The following IVNS1ABP variants were observed in gnomAD, a reference collection of about 807,000 sequenced individuals.
IVNS1ABP encodes influenza virus NS1A binding protein, also known as influenza virus NS1A-binding protein.
In IVNS1ABP, 25 loss-of-function variants were observed where a neutral mutation model predicts 78.9. The observed-to-expected ratio is 0.32, with a 90% confidence interval of 0.23 to 0.44. IVNS1ABP has a LOEUF of 0.44. Among genes scored for constraint, IVNS1ABP ranks in the 20% least tolerant of loss-of-function variants. IVNS1ABP has a pLI of 1.00. For missense variants in IVNS1ABP, 494 were observed against 768.9 expected (o/e 0.64, Z 4.23); for synonymous variants, 241 against 259.7 (o/e 0.93, Z 0.69).
chr1:185,305,807 T>A lies in IVNS1ABP; in HGVS notation c.658-164A>T. The A allele has an allele frequency of 1.4e-6, 1 of 693,612 alleles. No homozygotes were observed. Among genetic ancestry groups the A allele is most frequent in the Non-Finnish European group, 2.1e-6 (1 of 467,836 alleles). The allele number at this position is 693,612 out of a possible 1,614,324, so 43.0% of individuals were successfully genotyped here. A position where few individuals can be genotyped will look rare whatever the true frequency, so the allele number is the denominator to read the frequency against. ...AGGTAAAGAAAAATACATGTCATGG[T>A]GGTAAAAATTAAAAAACAAAAACAA... is the stretch of plus-strand genomic sequence containing the variant. On this transcript the variant is annotated intron_variant, in intron 7 of 14. Coordinates refer to ENST00000367498, the MANE Select transcript of IVNS1ABP (RefSeq NM_006469.5). The surrounding 1 kb of genome is among the most constrained non-coding windows in gnomAD (Gnocchi z 4.0).
intron 8 of IVNS1ABP, among the ~76,000 whole-genome samples, chr1:185,303,648 T>C (rs768986562): frequency 6.6e-6 from 1 of 152,056 alleles, no homozygotes; most frequent in East Asian, 1.9e-4. Context: ...TAGACATAAA[T>C]AAAAAATCTA....
At position 185,306,839 on chromosome 1, in the gene IVNS1ABP, GAAC is replaced by G. The variant is rs1571745159; in HGVS notation, c.657+172_657+174del. 12 of 762,142 alleles carry G rather than the reference GAAC, an allele frequency of 1.6e-5. No homozygotes were observed. The East Asian group carries it at 3.4e-4, about 22-fold the overall frequency. The allele number at this position is 762,142 out of a possible 1,614,324, so 47.2% of individuals were successfully genotyped here. On this transcript the variant is annotated intron_variant, in intron 7 of 14. Coordinates refer to ENST00000367498, the MANE Select transcript of IVNS1ABP (RefSeq NM_006469.5). ...AAAAAGAAAAGCAGAAGACCAAACT[GAAC>G]AGTTCATTCAGCTCACCTGGACACC...
At chr1:185,314,478 C>T (rs572074716) in intron 1 of IVNS1ABP, among the ~76,000 whole-genome samples, 1 of 152,312 alleles carries the variant, frequency 6.6e-6, no homozygotes, top group Non-Finnish European at 1.5e-5. Flanking sequence ...ATTCCAGAAA[C>T]TGCAGCTATT....
At chr1:185,310,501 G>A (rs951994006) in intron 2 of IVNS1ABP, among the ~76,000 whole-genome samples, 1 of 152,110 alleles carries the variant, frequency 6.6e-6, no homozygotes, top group Non-Finnish European at 1.5e-5. Flanking sequence ...CCAGCTACTT[G>A]TGGGGGCTGA....
At chr1:185,303,387 C>T (rs1263721804) in intron 8 of IVNS1ABP, among the ~76,000 whole-genome samples, 1 of 152,046 alleles carries the variant, frequency 6.6e-6, no homozygotes, top group Non-Finnish European at 1.5e-5. Flanking sequence ...GTAGCTTTTA[C>T]AACATGATTA....
chr1:185,297,667 A>G lies in IVNS1ABP; in HGVS notation c.*368T>C, dbSNP rs1308201395. The G allele has an allele frequency of 4.6e-6, 1 of 217,826 alleles. No individual in the cohort carries two copies. Among genetic ancestry groups the G allele is most frequent in the Non-Finnish European group, 9.2e-6 (1 of 108,812 alleles). The allele number at this position is 217,826 out of a possible 1,614,324, so 13.5% of individuals were successfully genotyped here. A position where few individuals can be genotyped will look rare whatever the true frequency, so the allele number is the denominator to read the frequency against. ...AAAAACCCAACTGTCTACATCTTTA[A>G]ACCCTACCCCTTTTACCCCATAGTA... On this transcript the variant is annotated 3_prime_UTR_variant, in exon 15 of 15. Coordinates refer to ENST00000367498, the MANE Select transcript of IVNS1ABP (RefSeq NM_006469.5).
chr1:185,304,154 G>A (rs1665675073), intron 8 of IVNS1ABP, among the ~76,000 whole-genome samples: 1 of 151,962 alleles, frequency 6.6e-6, no homozygotes, highest in Non-Finnish European at 1.5e-5. Context: ...GTCTCACTGT[G>A]TCCTCTCCTT....
chr1:185,309,416 C>T lies in IVNS1ABP; in HGVS notation c.78G>A (p.Arg26=). The change falls in exon 3 of 15, where the codon AGG becomes AGA. Residue 26 remains arginine (R), a synonymous_variant. Coordinates refer to ENST00000367498, the MANE Select transcript of IVNS1ABP (RefSeq NM_006469.5). ...GAACATCACAGAACTGGCCACTTTT[C>T]CTCAGGGCATTTAATTTGGCAACAG... is the stretch of plus-strand genomic sequence containing the variant. ...ESSVAKLNAL[R]KSGQFCDVRL... is the part of the protein sequence containing the mutation. 1 of 1,612,474 alleles carries T rather than the reference C, an allele frequency of 6.2e-7. No individual in the cohort carries two copies. Among genetic ancestry groups the T allele is most frequent in the Non-Finnish European group, 8.5e-7 (1 of 1,178,988 alleles).
chr1:185,308,920 C>T lies in IVNS1ABP; in HGVS notation c.282-45G>A, dbSNP rs193089984. 689 of 1,575,512 alleles carry T rather than the reference C, an allele frequency of 4.4e-4. 1 individual carries two copies. The highest frequency in any genetic ancestry group is 3.2e-3 in the African/African-American group (235 of 73,272). On this transcript the variant is annotated intron_variant, in intron 4 of 14. Coordinates refer to ENST00000367498, the MANE Select transcript of IVNS1ABP (RefSeq NM_006469.5). Reference sequence around the variant, plus strand: ...CTTATGATACCAAAGCCTTAAAACACACTTAATTTAAATATATGTAGCAAG... The same window carrying T: ...CTTATGATACCAAAGCCTTAAAACATACTTAATTTAAATATATGTAGCAAG...
At chr1:185,308,922 CTTAAT>C in intron 4 of IVNS1ABP, 47 bp from the exon 5 acceptor site, 1 of 1,575,138 alleles carries the variant, frequency 6.3e-7, no homozygotes, top group Non-Finnish European at 8.7e-7. Context: ...TTAAAACACA[CTTAAT>C]TTAAATATAT....
At chr1:185,303,351 C>T (rs1208517) in intron 8 of IVNS1ABP, among the ~76,000 whole-genome samples, 15,783 of 152,084 alleles carry the variant, frequency 0.1, 1,111 homozygotes, top group Non-Finnish European at 0.15. Flanking sequence ...TTTAGTCCTC[C>T]TTCAAACTTT....
At chr1:185,304,633 C>T (rs1056033155) in intron 8 of IVNS1ABP, among the ~76,000 whole-genome samples, 10 of 152,190 alleles carry the variant, frequency 6.6e-5, no homozygotes, top group African/African-American at 2.2e-4. Flanking sequence ...AAAATATATA[C>T]TATATGACCA....
chr1:185,314,836 C>G (rs529178762), intron 1 of IVNS1ABP, among the ~76,000 whole-genome samples: 36 of 152,032 alleles, frequency 2.4e-4, no homozygotes, highest in African/African-American at 8.4e-4. Context: ...AACACAAAGT[C>G]GTTTATAGTT....
Position 185,317,040 on chromosome 1 carries a change from A to C in IVNS1ABP, c.-334T>G, listed in dbSNP as rs1192829900. 5.0e-6 allele frequency: 2 copies of C among 398,736 alleles called. No homozygotes were observed. Among genetic ancestry groups the C allele is most frequent in the Non-Finnish European group, 8.8e-6 (2 of 226,364 alleles). The allele number at this position is 398,736 out of a possible 1,614,324, so 24.7% of individuals were successfully genotyped here. A position where few individuals can be genotyped will look rare whatever the true frequency, so the allele number is the denominator to read the frequency against. On this transcript the variant is annotated 5_prime_UTR_variant, in exon 1 of 15. Coordinates refer to ENST00000367498, the MANE Select transcript of IVNS1ABP (RefSeq NM_006469.5). Reference sequence around the variant, plus strand: ...AGCGGGCGGGAATCGGCCCAACGGAAAGCGCCAGAAGGCGGCGGAAGACGG... The same window carrying C: ...AGCGGGCGGGAATCGGCCCAACGGACAGCGCCAGAAGGCGGCGGAAGACGG...
Position 185,297,788 on chromosome 1 carries a change from T to C in IVNS1ABP, c.*247A>G, listed in dbSNP as rs1665457671. The stretch of plus-strand genomic sequence containing the variant: ...AATGATGTGCCCAATCAATTCTTGG[T>C]TTATTCTTTTCCAAAAAGTAAAATA... On this transcript the variant is annotated 3_prime_UTR_variant, in exon 15 of 15. Transcript: ENST00000367498. The C allele has an allele frequency of 4.0e-6, 2 of 498,472 alleles. No individual in the cohort carries two copies. The highest frequency in any genetic ancestry group is 3.5e-6 in the Non-Finnish European group (1 of 282,162). The allele number at this position is 498,472 out of a possible 1,614,324, so 30.9% of individuals were successfully genotyped here. A position where few individuals can be genotyped will look rare whatever the true frequency, so the allele number is the denominator to read the frequency against.
At chr1:185,307,455 T>C (rs554485286) in intron 6 of IVNS1ABP, 34 bp downstream of exon 6, 2 of 1,502,164 alleles carry the variant, frequency 1.3e-6, no homozygotes, top group Admixed American at 3.7e-5. Context: ...TGGAACTAGA[T>C]AGTATATATC....
intron 5 of IVNS1ABP, 98 bp from the exon 6 acceptor site, chr1:185,307,760 A>C: frequency 7.6e-7 from 1 of 1,316,664 alleles, no homozygotes; most frequent in Non-Finnish European, 1.0e-6. Flanking sequence ...GATACAAAGA[A>C]TCAAAAATCA....
At position 185,311,186 on chromosome 1, in the gene IVNS1ABP, G is replaced by T; in HGVS notation, c.-110C>A. 2.6e-6 allele frequency: 1 copy of T among 390,872 alleles called. No individual in the cohort carries two copies. Among genetic ancestry groups the T allele is most frequent in the South Asian group, 1.3e-4 (1 of 7,620 alleles). 24.2% of individuals were successfully genotyped at this position (390,872 alleles called of 1,614,324 possible). A position where few individuals can be genotyped will look rare whatever the true frequency, so the allele number is the denominator to read the frequency against. ...AAGGTGCACTTCGTCAGGGTATGAA[G>T]ACAGGTGGTTGAAATGAAGGCAGGT... On this transcript the variant is annotated 5_prime_UTR_variant, in exon 2 of 15. Transcript: ENST00000367498.
rs1317808914 is a variant in IVNS1ABP, at chr1:185,299,891, A to T, written c.1502-8T>A. ...CTGCAGACTGGTGTCTCCCTACAAG[A>T]AAAGTCAAGTCAAGATTATTGCTAC... On this transcript the variant is annotated splice_region_variant and splice_polypyrimidine_tract_variant and intron_variant, in intron 13 of 14. Coordinates refer to ENST00000367498, the MANE Select transcript of IVNS1ABP (RefSeq NM_006469.5). The T allele has an allele frequency of 3.1e-6, 5 of 1,613,504 alleles. No homozygotes were observed. The highest frequency in any genetic ancestry group is 4.2e-6 in the Non-Finnish European group (5 of 1,179,776).
Sources: gnomAD v4.1 joint callset for allele counts (sites outside exome capture counted in the v4.1 genomes callset) on GRCh38, gnomAD v4.1.1 for gene constraint, Gnocchi (gnomAD v3.1) non-coding constraint, MANE v1.5 for transcripts, NCBI Gene and HGNC (gene_info 2026-07-23, HGNC 2026-07-21) for gene names.